The following ZNF415 variants were observed in gnomAD, a reference collection of about 807,000 sequenced individuals.
ZNF415 encodes zinc finger protein 415.
Under a neutral mutation model 7.3 loss-of-function variants are expected in ZNF415, and 5 were observed. The observed-to-expected ratio is 0.69, with a 90% CI of 0.36 to 1.44. The LOEUF (loss-of-function observed/expected upper bound fraction) is 1.44. ZNF415 is among the 40% of genes most tolerant of loss of function. ZNF415 has a pLI of 0.04. For synonymous variants in ZNF415, 207 were observed against 226.3 expected (o/e 0.91, Z 0.77); for missense variants, 628 against 664.8 (o/e 0.94, Z 0.61).
chr19:53,114,873 C>T (rs2086765764), intron 3 of ZNF415, among the ~76,000 whole-genome samples: 1 of 152,160 alleles, frequency 6.6e-6, no homozygotes, highest in African/African-American at 2.4e-5. Flanking sequence ...CTTGCAGCTC[C>T]CCGGGGCCTC....
Position 53,108,287 on chromosome 19 carries a change from G to T in ZNF415, c.*90C>A. 1 of 1,286,838 alleles carries T rather than the reference G, an allele frequency of 7.8e-7. No homozygotes were observed. The highest frequency in any genetic ancestry group is 1.1e-6 in the Non-Finnish European group (1 of 944,314). The allele number at this position is 1,286,838 out of a possible 1,614,324, so 79.7% of individuals were successfully genotyped here. On this transcript the variant is annotated 3_prime_UTR_variant, in exon 4 of 4. Coordinates refer to ENST00000243643, the MANE Select transcript of ZNF415 (RefSeq NM_018355.4). ...GGAGTGAATTGTGACTGAAAACCTT[G>T]CCACATTTATTATACTTGTATGGTT...
At chr19:53,116,107 C>G (rs2086970458) in intron 3 of ZNF415, 3 of 643,490 alleles carry the variant, frequency 4.7e-6, no homozygotes, top group Non-Finnish European at 2.7e-6. Flanking sequence ...AGCTCTGGAA[C>G]CACCACTGTT....
At chr19:53,122,857 C>T (rs142376645) in intron 1 of ZNF415, 114 bp from the exon 2 acceptor site, 35 of 755,140 alleles carry the variant, frequency 4.6e-5, no homozygotes, top group African/African-American at 2.8e-4. Flanking sequence ...CGGTCCTCTG[C>T]CGCCCACTAC....
At chr19:53,126,142 G>C (rs552775365) in intron 1 of ZNF415, among the ~76,000 whole-genome samples, 11 of 151,806 alleles carry the variant, frequency 7.2e-5, no homozygotes, top group African/African-American at 2.4e-4. Context: ...GATGTGTGCA[G>C]GGGTCCTGTT....
chr19:53,128,093 G>T (rs139240338), intron 1 of ZNF415, among the ~76,000 whole-genome samples: 207 of 152,014 alleles, frequency 1.4e-3, no homozygotes, highest in African/African-American at 4.8e-3. Context: ...TTGCTTCCAT[G>T]CCCCTATGTG....
At chr19:53,117,166 G>A (rs988247921) in intron 2 of ZNF415, among the ~76,000 whole-genome samples, 1 of 152,156 alleles carries the variant, frequency 6.6e-6, no homozygotes. Context: ...ATTCGGCTGG[G>A]CGTGGTGGCT....
At chr19:53,126,196 C>T (rs2089063281) in intron 1 of ZNF415, among the ~76,000 whole-genome samples, 1 of 151,454 alleles carries the variant, frequency 6.6e-6, no homozygotes, top group Admixed American at 6.6e-5. Flanking sequence ...GGGACCTGAG[C>T]AGGACCAGCT....
At chr19:53,110,793 C>T (rs1391640165) in intron 3 of ZNF415, among the ~76,000 whole-genome samples, 2 of 152,130 alleles carry the variant, frequency 1.3e-5, no homozygotes, top group Admixed American at 6.6e-5. Flanking sequence ...AAACACATAG[C>T]ATTATAAAGA....
At position 53,123,738 on chromosome 19, in the gene ZNF415, C is replaced by T. The variant is rs556280919; in HGVS notation, c.-67-995G>A. ...AAAGAATTTTGGAAATGATGTATTTCCTCACCCATTTTAATTAAATATATA... is the reference window on the plus strand; with the variant it reads ...AAAGAATTTTGGAAATGATGTATTTTCTCACCCATTTTAATTAAATATATA... On this transcript the variant is annotated intron_variant, in intron 1 of 3. Transcript: ENST00000243643. 9 of 397,646 alleles carry T rather than the reference C, an allele frequency of 2.3e-5. No individual in the cohort carries two copies. The South Asian group carries it at 5.2e-4, about 23-fold the overall frequency. 24.6% of individuals were successfully genotyped at this position (397,646 alleles called of 1,614,324 possible).
At chr19:53,127,733 T>C (rs539534202) in intron 1 of ZNF415, among the ~76,000 whole-genome samples, 1 of 151,838 alleles carries the variant, frequency 6.6e-6, no homozygotes, top group African/African-American at 2.4e-5. Flanking sequence ...AAAAATTAGC[T>C]GGGTGTGGTG....
At chr19:53,110,290 C>T (rs772414558) in intron 3 of ZNF415, among the ~76,000 whole-genome samples, 3 of 152,154 alleles carry the variant, frequency 2.0e-5, no homozygotes, top group Non-Finnish European at 2.9e-5. Context: ...AGCATATTTA[C>T]TGTGCCCATA....
intron 1 of ZNF415, among the ~76,000 whole-genome samples, chr19:53,125,906 A>G (rs1206327460): frequency 6.6e-6 from 1 of 151,872 alleles, no homozygotes; most frequent in Non-Finnish European, 1.5e-5. Context: ...CCACTGCACT[A>G]CAGCCTGGGC....
At chr19:53,129,800 C>T (rs1016003094) in intron 1 of ZNF415, 12 of 390,410 alleles carry the variant, frequency 3.1e-5, no homozygotes, top group South Asian at 1.4e-4. Flanking sequence ...CATGTTGGCT[C>T]GTGCCTGTAA....
intron 1 of ZNF415, among the ~76,000 whole-genome samples, chr19:53,129,073 C>G (rs74178308): frequency 0.9 from 136,570 of 152,064 alleles, 61,474 homozygotes; most frequent in African/African-American, 0.94. Context: ...AGACATCTCT[C>G]AGTCTAGACC....
intron 3 of ZNF415, among the ~76,000 whole-genome samples, chr19:53,112,315 G>C (rs1311358460): frequency 6.6e-6 from 1 of 151,954 alleles, no homozygotes; most frequent in Admixed American, 6.5e-5. Context: ...GTGCAGTGTG[G>C]AAAACTATCA....
intron 1 of ZNF415, among the ~76,000 whole-genome samples, chr19:53,125,825 C>G (rs1356412035): frequency 2.0e-5 from 3 of 151,888 alleles, no homozygotes; most frequent in African/African-American, 4.8e-5. Context: ...GTAGTCCCAG[C>G]TACTTGGGAG....
chr19:53,120,349 A>G (rs1485559864), intron 2 of ZNF415, among the ~76,000 whole-genome samples: 2 of 152,184 alleles, frequency 1.3e-5, no homozygotes, highest in East Asian at 3.9e-4. Flanking sequence ...AAACGTGTAA[A>G]TATTCACAAC....
Position 53,109,271 on chromosome 19 carries a change from G to T in ZNF415, c.774C>A (p.Asn258Lys), listed in dbSNP as rs550696572. 3 of 1,614,166 alleles carry T rather than the reference G, an allele frequency of 1.9e-6. No homozygotes were observed. The highest frequency in any genetic ancestry group is 1.3e-5 in the African/African-American group (1 of 75,040). The change falls in exon 4 of 4, where the codon AAC (asparagine) becomes AAA (lysine). Residue 258 changes from asparagine (N) to lysine (K), a missense_variant. Coordinates refer to ENST00000243643, the MANE Select transcript of ZNF415 (RefSeq NM_018355.4). ...TATGAACTCTCCAATGACGCGCAAG[G>T]TTTGATTTTTGACTAAAGACCTTGC... is the stretch of plus-strand genomic sequence containing the variant. ...LCGKVFSQKS[N>K]LARHWRVHTG...
At position 53,109,248 on chromosome 19, in the gene ZNF415, T is replaced by A. The variant is rs1178238007; in HGVS notation, c.797A>T (p.His266Leu). The change falls in exon 4 of 4, where the codon CAT becomes CTT. Residue 266 changes from histidine (H) to leucine (L), a missense_variant. Transcript: ENST00000243643. ...KSNLARHWRV[H>L]TGEKPYKCNE... ...ACATTTGTATGGTTTCTCTCCAGTA[T>A]GAACTCTCCAATGACGCGCAAGGTT... The A allele has an allele frequency of 6.2e-7, 1 of 1,614,198 alleles. No homozygotes were observed. Among genetic ancestry groups the A allele is most frequent in the Admixed American group, 1.7e-5 (1 of 60,024 alleles).
Sources: allele counts gnomAD v4.1 joint callset (sites outside exome capture counted in the v4.1 genomes callset), GRCh38; gene constraint gnomAD v4.1.1; transcripts MANE v1.5; gene names NCBI Gene and HGNC (gene_info 2026-07-23, HGNC 2026-07-21).